Variants in MED12L observed in about 807,000 individuals in gnomAD.
The protein encoded by MED12L is mediator of RNA polymerase II transcription subunit 12-like protein.
MED12L carries 60 observed loss-of-function variants against 281.3 expected under a neutral mutation model. The observed-to-expected ratio is 0.21, with a 90% CI of 0.17 to 0.26. The LOEUF is 0.26. Ranked by LOEUF, MED12L falls within the 10% of genes least tolerant of loss-of-function variation. MED12L has a pLI of 1.00. For missense variants in MED12L, 2,146 were observed against 2,680.9 expected (o/e 0.80, Z 4.41); for synonymous variants, 974 against 987.2 (o/e 0.99, Z 0.25).
intron 16 of MED12L, among the ~76,000 whole-genome samples, chr3:151,306,043 G>A (rs542612194): frequency 6.6e-6 from 1 of 152,236 alleles, no homozygotes; most frequent in East Asian, 1.9e-4. Flanking sequence ...CCTCTTTCAG[G>A]AGCATTACCT....
intron 39 of MED12L, among the ~76,000 whole-genome samples, chr3:151,395,183 C>T (rs1714806669): frequency 6.6e-6 from 1 of 152,162 alleles, no homozygotes; most frequent in Non-Finnish European, 1.5e-5. Flanking sequence ...TCTGAGCCCT[C>T]ATTTTTCTAT....
In MED12L at chr3:151,433,000, T is replaced by G. The variant is rs1342429563; in HGVS notation, c.*196T>G. ...AGGAGAAGTTGTGGTTTGATTTTGT[T>G]GAATTCACCTTTAAAGTAGGTTTAC... On this transcript the variant is annotated 3_prime_UTR_variant, in exon 45 of 45. Transcript: ENST00000687756. 12 of 537,928 alleles carry G rather than the reference T, an allele frequency of 2.2e-5. No homozygotes were observed. The highest frequency in any genetic ancestry group is 3.6e-5 in the Non-Finnish European group (11 of 304,190). 33.3% of individuals were successfully genotyped at this position (537,928 alleles called of 1,614,324 possible). A position where few individuals can be genotyped will look rare whatever the true frequency, so the allele number is the denominator to read the frequency against.
intron 16 of MED12L, among the ~76,000 whole-genome samples, chr3:151,348,364 GA>G (rs55814320): frequency 0.7 from 84,008 of 119,826 alleles, 29,270 homozygotes; most frequent in Middle Eastern, 0.81. Flanking sequence ...AAAAAAAAAA[GA>G]AAAAAGAAAT....
At chr3:151,206,781 A>T (rs1726438696) in intron 16 of MED12L, among the ~76,000 whole-genome samples, 1 of 150,128 alleles carries the variant, frequency 6.7e-6, no homozygotes, top group South Asian at 2.1e-4. Context: ...AGTAGCTGGG[A>T]CTACAGGCAC....
chr3:151,131,788 G>A (rs1245970017), intron 5 of MED12L, among the ~76,000 whole-genome samples: 1 of 152,104 alleles, frequency 6.6e-6, no homozygotes, highest in Admixed American at 6.5e-5. Flanking sequence ...GAACGTTATG[G>A]ACTTGTTGGA....
At chr3:151,116,284 A>C in intron 2 of MED12L, 54 bp from the exon 3 acceptor site, 2 of 1,271,444 alleles carry the variant, frequency 1.6e-6, no homozygotes, top group Non-Finnish European at 2.3e-6. Flanking sequence ...AATATGTGGG[A>C]TTATGTTGAA....
At chr3:151,095,039 A>C (rs1185546055) in intron 2 of MED12L, among the ~76,000 whole-genome samples, 1 of 152,230 alleles carries the variant, frequency 6.6e-6, no homozygotes, top group East Asian at 1.9e-4. Context: ...CGACTTGAAC[A>C]GTGCGATATC....
At chr3:151,418,270 T>C (rs1377206556) in intron 43 of MED12L, among the ~76,000 whole-genome samples, 1 of 152,206 alleles carries the variant, frequency 6.6e-6, no homozygotes, top group Non-Finnish European at 1.5e-5. Flanking sequence ...TTATAAAAAC[T>C]GGGTATTATT....
At chr3:151,302,640 G>A (rs1746094130) in intron 16 of MED12L, among the ~76,000 whole-genome samples, 2 of 152,150 alleles carry the variant, frequency 1.3e-5, no homozygotes, top group Non-Finnish European at 2.9e-5. Context: ...ACTGCAGACT[G>A]TCAGCCATAT....
At chr3:151,127,424 G>A (rs959912674) in intron 4 of MED12L, among the ~76,000 whole-genome samples, 1 of 152,136 alleles carries the variant, frequency 6.6e-6, no homozygotes, top group Non-Finnish European at 1.5e-5. Context: ...ATAGAGTAGG[G>A]ACAATTTTCA....
At chr3:151,128,097 G>A (rs1160952996) in intron 5 of MED12L, 113 bp downstream of exon 5, 1 of 926,424 alleles carries the variant, frequency 1.1e-6, no homozygotes, top group Non-Finnish European at 1.6e-6. Flanking sequence ...GGTCCGTGGT[G>A]AGACTGATTT....
chr3:151,135,296 C>A (rs1034183326), intron 5 of MED12L, among the ~76,000 whole-genome samples: 4 of 152,204 alleles, frequency 2.6e-5, no homozygotes, highest in African/African-American at 4.8e-5. Flanking sequence ...GGATTACAGG[C>A]GTGAGCTACC....
intron 16 of MED12L, chr3:151,214,015 AAG>A (rs1203413126): frequency 6.2e-7 from 1 of 1,614,028 alleles, no homozygotes; most frequent in Admixed American, 1.7e-5. Flanking sequence ...GTTGACGTAG[AAG>A]AGCACGGCAG....
intron 16 of MED12L, among the ~76,000 whole-genome samples, chr3:151,342,241 G>C (rs1209877226): frequency 6.6e-6 from 1 of 152,140 alleles, no homozygotes; most frequent in East Asian, 1.9e-4. Flanking sequence ...CAACACCTGT[G>C]CTGCTTTAAC....
At chr3:151,379,845 C>T (rs1711924497) in intron 31 of MED12L, among the ~76,000 whole-genome samples, 1 of 151,924 alleles carries the variant, frequency 6.6e-6, no homozygotes, top group Non-Finnish European at 1.5e-5. Context: ...TGTCTTCTAC[C>T]CTCACTGCCC....
intron 16 of MED12L, among the ~76,000 whole-genome samples, chr3:151,289,489 C>T (rs187221790): frequency 1.1e-4 from 16 of 152,272 alleles, no homozygotes; most frequent in African/African-American, 3.6e-4. Flanking sequence ...GGTAATTCAT[C>T]GTTGGGTAAT....
intron 3 of MED12L, among the ~76,000 whole-genome samples, chr3:151,121,557 TC>T (rs537272906): frequency 1.3e-5 from 2 of 152,172 alleles, no homozygotes; most frequent in Non-Finnish European, 2.9e-5. Context: ...TTTATTTTAG[TC>T]ATGGTTGCCA....
At chr3:151,374,191 G>A (rs1250606857) in intron 27 of MED12L, among the ~76,000 whole-genome samples, 2 of 151,456 alleles carry the variant, frequency 1.3e-5, no homozygotes, top group East Asian at 3.9e-4. Flanking sequence ...CACATGGCCG[G>A]GCATGTTAAA....
At chr3:151,378,441 A>G (rs1163275905) in intron 31 of MED12L, among the ~76,000 whole-genome samples, 2 of 152,150 alleles carry the variant, frequency 1.3e-5, no homozygotes, top group African/African-American at 2.4e-5. Context: ...GCTTTAGACC[A>G]ACTGAATCAG....
Sources: gnomAD v4.1 joint callset for allele counts (sites outside exome capture counted in the v4.1 genomes callset) on GRCh38, gnomAD v4.1.1 for gene constraint, MANE v1.5 for transcripts, NCBI Gene and HGNC (gene_info 2026-07-23, HGNC 2026-07-21) for gene names.